The following PPP4R4 variants were observed in gnomAD, a reference collection of about 807,000 sequenced individuals.
The protein encoded by PPP4R4 is serine/threonine-protein phosphatase 4 regulatory subunit 4.
Under a neutral mutation model 121.8 loss-of-function variants are expected in PPP4R4, and 70 were observed. That is an observed-to-expected ratio of 0.57 (90% CI 0.47 to 0.70). The LOEUF (loss-of-function observed/expected upper bound fraction) is 0.70, where lower values mean the gene tolerates loss of function less well. Ranked by LOEUF, PPP4R4 falls within the 30% of genes least tolerant of loss-of-function variation. The pLI, the probability that PPP4R4 is intolerant of heterozygous loss-of-function variation, is 0.00. For missense variants in PPP4R4, 875 were observed against 1,033.6 expected (o/e 0.85, Z 2.10); for synonymous variants, 348 against 355.7 (o/e 0.98, Z 0.24).
intron 3 of PPP4R4, among the ~76,000 whole-genome samples, chr14:94,212,832 C>A (rs544748060): frequency 1.3e-5 from 2 of 152,000 alleles, no homozygotes; most frequent in Non-Finnish European, 2.9e-5. Context: ...AGAATAATAG[C>A]GATATAATTA....
rs753530446 is a variant in PPP4R4 at position 94,266,958 on chromosome 14, G to T, written c.2379-1G>T. On this transcript the variant is annotated splice_acceptor_variant, in intron 22 of 24. Transcript: ENST00000304338. LOFTEE classifies it high-confidence loss of function. ...TTAAACTAAATCATGTTGTTTTCTA[G>T]TAAAAGTTCTACAACAGGATATACA... 9 of 1,561,346 alleles carry T rather than the reference G, an allele frequency of 5.8e-6. No homozygotes were observed. The South Asian group carries it at 9.1e-5, about 16-fold the overall frequency.
Position 94,256,580 on chromosome 14 carries a change from A to G in PPP4R4, c.1986A>G (p.Lys662=). The G allele has an allele frequency of 6.2e-7, 1 of 1,607,996 alleles. No homozygotes were observed. The highest frequency in any genetic ancestry group is 8.5e-7 in the Non-Finnish European group (1 of 1,175,530). ...VRKLLCQEKD[K]DVLAIVKRTV... ...AACTCCTGTGTCAAGAAAAAGATAA[A>G]GATGTTCTGGCTATTGTAAAAAGAG... is the stretch of plus-strand genomic sequence containing the variant. The change falls in exon 17 of 25, where the codon AAA becomes AAG. Residue 662 remains lysine, a synonymous_variant. Coordinates refer to ENST00000304338, the MANE Select transcript of PPP4R4 (RefSeq NM_058237.2).
intron 24 of PPP4R4, among the ~76,000 whole-genome samples, chr14:94,277,991 T>C (rs1012087690): frequency 2.0e-5 from 3 of 152,192 alleles, no homozygotes; most frequent in Non-Finnish European, 4.4e-5. Context: ...CTCTCTTGAG[T>C]GCACACTGCC....
chr14:94,259,692 GC>G (rs944051884), intron 19 of PPP4R4, among the ~76,000 whole-genome samples: 1 of 152,032 alleles, frequency 6.6e-6, no homozygotes, highest in African/African-American at 2.4e-5. Flanking sequence ...AAAGATTTCT[GC>G]CCCTTTGTAA....
intron 2 of PPP4R4, among the ~76,000 whole-genome samples, chr14:94,207,597 G>A (rs1450627157): frequency 3.3e-5 from 5 of 151,760 alleles, no homozygotes; most frequent in African/African-American, 4.8e-5. Context: ...AAATATTATG[G>A]AATCAGCTAT....
intron 4 of PPP4R4, 138 bp downstream of exon 4, chr14:94,230,872 C>T (rs1842231565): frequency 2.1e-6 from 2 of 956,990 alleles, no homozygotes; most frequent in South Asian, 4.4e-5. Flanking sequence ...AGTGGAATGA[C>T]TTAAAATAGC....
chr14:94,240,240 A>G (rs1892556361), intron 8 of PPP4R4, among the ~76,000 whole-genome samples: 1 of 152,218 alleles, frequency 6.6e-6, no homozygotes, highest in South Asian at 2.1e-4. Flanking sequence ...AATTTTAGTA[A>G]TAAATGAAAT....
intron 23 of PPP4R4, among the ~76,000 whole-genome samples, chr14:94,274,968 G>A (rs1894554130): frequency 6.6e-6 from 1 of 152,178 alleles, no homozygotes; most frequent in African/African-American, 2.4e-5. Context: ...AAGGAAGGAA[G>A]TATTGATACA....
In PPP4R4 at chr14:94,230,637, A is replaced by G; in HGVS notation, c.345A>G (p.Ser115=). 2 of 1,612,894 alleles carry G rather than the reference A, an allele frequency of 1.2e-6. No homozygotes were observed. The highest frequency in any genetic ancestry group is 1.1e-5 in the South Asian group (1 of 91,052). ...AAATGCAGTTAACGGCTGCGATGTC[A>G]TTTCTGACCATTCTGCAGGACGAAT... ...GVEMQLTAAM[S]FLTILQDESV... is the part of the protein sequence containing the mutation. Residue 115 remains serine (S), a synonymous_variant, in exon 4 of 25, where the codon TCA becomes TCG. Coordinates refer to ENST00000304338, the MANE Select transcript of PPP4R4 (RefSeq NM_058237.2).
At chr14:94,231,409 A>G in intron 5 of PPP4R4, 94 bp downstream of exon 5, 1 of 1,105,366 alleles carries the variant, frequency 9.0e-7, no homozygotes, top group Non-Finnish European at 1.3e-6. Context: ...TAAAAAAGAA[A>G]GTTGTTTTTC....
At chr14:94,177,419 T>A (rs1339314090) in intron 2 of PPP4R4, among the ~76,000 whole-genome samples, 1 of 152,246 alleles carries the variant, frequency 6.6e-6, no homozygotes, top group Non-Finnish European at 1.5e-5. Context: ...TGTGTTATAT[T>A]TGGAATACTT....
Position 94,256,611 on chromosome 14 carries a change from A to G in PPP4R4, c.2010+7A>G. On this transcript the variant is annotated splice_region_variant and intron_variant, in intron 17 of 24. Coordinates refer to ENST00000304338, the MANE Select transcript of PPP4R4 (RefSeq NM_058237.2). ...TCTGGCTATTGTAAAAAGAGTAAGT[A>G]TCACTCTTGCCACAATGTTGCATTT... The G allele has an allele frequency of 6.3e-7, 1 of 1,592,110 alleles. No homozygotes were observed. Among genetic ancestry groups the G allele is most frequent in the South Asian group, 1.1e-5 (1 of 87,682 alleles).
At chr14:94,196,656 T>C (rs780965581) in intron 2 of PPP4R4, among the ~76,000 whole-genome samples, 4 of 152,160 alleles carry the variant, frequency 2.6e-5, no homozygotes, top group Non-Finnish European at 4.4e-5. Context: ...TTTCACCTTT[T>C]ATTTCTCTTG....
At position 94,244,587 on chromosome 14, in the gene PPP4R4, A is replaced by G. The variant is rs997235892; in HGVS notation, c.1267-48A>G. On this transcript the variant is annotated intron_variant, in intron 11 of 24. Coordinates refer to ENST00000304338, the MANE Select transcript of PPP4R4 (RefSeq NM_058237.2). ...TTTAAAAATTATTATTGTAACCTGT[A>G]TCTGTCTAGTACTCTCAAATCTGAG... 9 of 1,352,940 alleles carry G rather than the reference A, an allele frequency of 6.7e-6. No homozygotes were observed. In the Admixed American group the frequency reaches 8.5e-5, roughly 13 times the overall value. 83.8% of individuals were successfully genotyped at this position (1,352,940 alleles called of 1,614,324 possible). A position where few individuals can be genotyped will look rare whatever the true frequency, so the allele number is the denominator to read the frequency against.
chr14:94,253,272 C>G (rs1893286217), intron 16 of PPP4R4, among the ~76,000 whole-genome samples: 1 of 152,066 alleles, frequency 6.6e-6, no homozygotes, highest in Non-Finnish European at 1.5e-5. Flanking sequence ...CCAGCCTGGC[C>G]AACATGGTGA....
rs778505042 is a variant in PPP4R4, at chr14:94,174,548, C to T, written c.83C>T (p.Thr28Ile). 11 of 1,612,438 alleles carry T rather than the reference C, an allele frequency of 6.8e-6. No homozygotes were observed. Among genetic ancestry groups the T allele is most frequent in the Non-Finnish European group, 8.5e-6 (10 of 1,179,254 alleles). Residue 28 changes from threonine (T) to isoleucine (I), a missense_variant, in exon 1 of 25, where the codon ACC (threonine) becomes ATC (isoleucine). By Grantham distance (89) the Thr-to-Ile change is moderately conservative. Transcript: ENST00000304338. Reference protein sequence around the residue: ...FGYMEDLQELTIIERPVRRSL... With the variant: ...FGYMEDLQELIIIERPVRRSL... ...TACATGGAGGACCTGCAGGAGCTCA[C>T]CATCATCGAGAGGCCGGTCCGCCGG...
At chr14:94,182,910 T>C (rs2139382245) in intron 2 of PPP4R4, among the ~76,000 whole-genome samples, 1 of 152,322 alleles carries the variant, frequency 6.6e-6, no homozygotes, top group South Asian at 2.1e-4. Context: ...GGTCCCAGCC[T>C]ATATATTTTT....
At chr14:94,186,392 AT>A (rs1595450229) in intron 2 of PPP4R4, among the ~76,000 whole-genome samples, 1 of 152,088 alleles carries the variant, frequency 6.6e-6, no homozygotes, top group African/African-American at 2.4e-5. Context: ...TTTCAATCTA[AT>A]TATTTTGTAG....
chr14:94,202,972 A>G (rs983796259), intron 2 of PPP4R4, among the ~76,000 whole-genome samples: 1 of 137,350 alleles, frequency 7.3e-6, no homozygotes, highest in African/African-American at 2.7e-5. Context: ...ACAGAGCCAG[A>G]CTCCATCTCA....
Sources: gnomAD v4.1 joint callset for allele counts (sites outside exome capture counted in the v4.1 genomes callset) on GRCh38, gnomAD v4.1.1 for gene constraint, MANE v1.5 for transcripts, NCBI Gene and HGNC (gene_info 2026-07-23, HGNC 2026-07-21) for gene names.